Variants in HNRNPM observed in about 807,000 individuals in gnomAD.
The protein encoded by HNRNPM is heterogeneous nuclear ribonucleoprotein M.
In HNRNPM, 11 loss-of-function variants were observed where a neutral mutation model predicts 73.1. The observed-to-expected ratio is 0.15, with a 90% CI of 0.09 to 0.25. The LOEUF is 0.25. Ranked by LOEUF, HNRNPM falls within the 10% of genes least tolerant of loss-of-function variation. The pLI, the probability that HNRNPM is intolerant of heterozygous loss-of-function variation, is 1.00. For missense variants in HNRNPM, 789 were observed against 1,067.9 expected, an observed-to-expected ratio of 0.74 and a Z score of 3.64; for synonymous variants, 407 against 355.2, an observed-to-expected ratio of 1.15 and a Z score of -1.64.
chr19:8,457,313 G>A (rs1054147471), intron 2 of HNRNPM, among the ~76,000 whole-genome samples: 5 of 152,218 alleles, frequency 3.3e-5, no homozygotes, highest in East Asian at 1.9e-4. Context: ...GTTTCTGGAT[G>A]TAGAAGCAGT....
intron 12 of HNRNPM, among the ~76,000 whole-genome samples, chr19:8,479,062 T>G (rs1970709639): frequency 6.8e-6 from 1 of 147,356 alleles, no homozygotes; most frequent in Non-Finnish European, 1.5e-5. Context: ...AATTTCCTCC[T>G]CTTTTTTCTT....
intron 1 of HNRNPM, among the ~76,000 whole-genome samples, chr19:8,450,086 G>A (rs1407980357): frequency 6.6e-6 from 1 of 152,190 alleles, no homozygotes; most frequent in African/African-American, 2.4e-5. Context: ...GTTCAGTGGT[G>A]GCCTTGGAGC....
At chr19:8,478,763 A>C (rs943576666) in intron 12 of HNRNPM, among the ~76,000 whole-genome samples, 1 of 152,180 alleles carries the variant, frequency 6.6e-6, no homozygotes, top group African/African-American at 2.4e-5. Flanking sequence ...TGCTGCGTGT[A>C]CTTGACTTTC....
At chr19:8,463,556 C>A (rs1226453000) in intron 4 of HNRNPM, 37 bp from the exon 5 acceptor site, 5 of 1,612,072 alleles carry the variant, frequency 3.1e-6, no homozygotes, top group Middle Eastern at 1.7e-4. Context: ...ACTTGTAGGA[C>A]TGGTTTCACT....
At chr19:8,446,269 A>T (rs1280617403) in intron 1 of HNRNPM, among the ~76,000 whole-genome samples, 1 of 152,190 alleles carries the variant, frequency 6.6e-6, no homozygotes, top group Non-Finnish European at 1.5e-5. Flanking sequence ...CTTTTTCATC[A>T]TCGGAAACAG....
At chr19:8,461,108 T>G (rs1402404515) in intron 2 of HNRNPM, among the ~76,000 whole-genome samples, 1 of 152,242 alleles carries the variant, frequency 6.6e-6, no homozygotes, top group Non-Finnish European at 1.5e-5. Flanking sequence ...GCACTGATGA[T>G]TCTCCTGTTT....
Position 8,462,681 on chromosome 19 carries a change from C to A in HNRNPM, c.336+100C>A. The A allele has an allele frequency of 1.0e-6, 1 of 981,244 alleles. No individual in the cohort carries two copies. Among genetic ancestry groups the A allele is most frequent in the Non-Finnish European group, 1.7e-6 (1 of 605,114 alleles). The allele number at this position is 981,244 out of a possible 1,614,324, so 60.8% of individuals were successfully genotyped here. A position where few individuals can be genotyped will look rare whatever the true frequency, so the allele number is the denominator to read the frequency against. On this transcript the variant is annotated intron_variant, in intron 3 of 15. Transcript: ENST00000325495. The surrounding 1 kb of genome is among the most constrained non-coding windows in gnomAD (Gnocchi z 4.5). The stretch of plus-strand genomic sequence containing the variant: ...TGAAATCAGGAAGGCAGTGAGTGCT[C>A]ATGTTACAGTAGCTATGTTTGATTT...
intron 1 of HNRNPM, 32 bp from the exon 2 acceptor site, chr19:8,455,373 C>T: frequency 1.3e-6 from 2 of 1,583,944 alleles, no homozygotes; most frequent in Non-Finnish European, 1.7e-6. Context: ...CATATAAACC[C>T]TTTACCTTTT....
chr19:8,462,425 A>G lies in HNRNPM; in HGVS notation c.284-104A>G. On this transcript the variant is annotated intron_variant, in intron 2 of 15. Coordinates refer to ENST00000325495, the MANE Select transcript of HNRNPM (RefSeq NM_005968.5). The surrounding 1 kb of genome is among the most constrained non-coding windows in gnomAD (Gnocchi z 4.5). ...ATGGAGTGTTTCTGGGCTTTCTTAT[A>G]AGGCAGAGGCTCCATACAAGGTTGC... The G allele has an allele frequency of 1.1e-6, 1 of 944,006 alleles. No homozygotes were observed. The highest frequency in any genetic ancestry group is 1.7e-6 in the Non-Finnish European group (1 of 574,494). 58.5% of individuals were successfully genotyped at this position (944,006 alleles called of 1,614,324 possible). A position where few individuals can be genotyped will look rare whatever the true frequency, so the allele number is the denominator to read the frequency against.
intron 12 of HNRNPM, among the ~76,000 whole-genome samples, chr19:8,474,995 G>A (rs546360277): frequency 1.1e-3 from 162 of 152,338 alleles, no homozygotes; most frequent in African/African-American, 3.6e-3. Flanking sequence ...GATTACAGGC[G>A]TGAGCCACCG....
chr19:8,448,795 A>G (rs894821631), intron 1 of HNRNPM, among the ~76,000 whole-genome samples: 1 of 152,004 alleles, frequency 6.6e-6, no homozygotes, highest in African/African-American at 2.4e-5. Context: ...TTCCTGAGTA[A>G]TTTTGTGGGT....
intron 1 of HNRNPM, among the ~76,000 whole-genome samples, chr19:8,450,645 G>A (rs1340014271): frequency 7.2e-5 from 11 of 151,866 alleles, no homozygotes; most frequent in Middle Eastern, 6.9e-3. Context: ...CAAGTGATCC[G>A]CCCACCTTGG....
At chr19:8,468,552 G>C (rs553699819) in intron 8 of HNRNPM, among the ~76,000 whole-genome samples, 2 of 152,258 alleles carry the variant, frequency 1.3e-5, no homozygotes, top group African/African-American at 4.8e-5. Context: ...TGGACTTCTT[G>C]CCCAGGTCCC....
At chr19:8,463,722 A>G (rs772173079) in intron 5 of HNRNPM, 36 bp downstream of exon 5, 19 of 1,363,778 alleles carry the variant, frequency 1.4e-5, no homozygotes, top group Non-Finnish European at 2.0e-5. Flanking sequence ...TACTGTGTGT[A>G]ATTGTTGAGT....
chr19:8,460,150 A>G (rs1164705676), intron 2 of HNRNPM, among the ~76,000 whole-genome samples: 1 of 152,170 alleles, frequency 6.6e-6, no homozygotes. Flanking sequence ...ACTTCACTTC[A>G]TGGAATGTGA....
chr19:8,445,378 C>T (rs1968071336), intron 1 of HNRNPM: 2 of 344,402 alleles, frequency 5.8e-6, no homozygotes, highest in Admixed American at 4.8e-5. Context: ...GGCCTCAGGC[C>T]CAGCTGCTGC....
At position 8,455,625 on chromosome 19, in the gene HNRNPM, T is replaced by A. The variant is rs1295839144; in HGVS notation, c.283+51T>A. On this transcript the variant is annotated intron_variant, in intron 2 of 15. Coordinates refer to ENST00000325495, the MANE Select transcript of HNRNPM (RefSeq NM_005968.5). Reference sequence around the variant, plus strand: ...GTGAGAAGGTTGGTGTGTCATCTTTTCTGTGGCTAATTCCTTGGTTATTTT... The same window carrying A: ...GTGAGAAGGTTGGTGTGTCATCTTTACTGTGGCTAATTCCTTGGTTATTTT... The A allele has an allele frequency of 2.7e-6, 4 of 1,477,876 alleles. No homozygotes were observed. In the Admixed American group the frequency reaches 7.2e-5, roughly 26 times the overall value. The allele number at this position is 1,477,876 out of a possible 1,614,324, so 91.5% of individuals were successfully genotyped here.
At chr19:8,445,872 C>T (rs571385585) in intron 1 of HNRNPM, among the ~76,000 whole-genome samples, 57 of 152,244 alleles carry the variant, frequency 3.7e-4, no homozygotes, top group Non-Finnish European at 6.8e-4. Flanking sequence ...CCCCTTTTTC[C>T]CGTGTTTCGG....
intron 12 of HNRNPM, among the ~76,000 whole-genome samples, chr19:8,475,505 C>A (rs1457263677): frequency 6.6e-6 from 1 of 152,168 alleles, no homozygotes; most frequent in African/African-American, 2.4e-5. Context: ...GGACAGACAT[C>A]ATTGTCAGGC....
Sources: gnomAD v4.1 joint callset for allele counts (sites outside exome capture counted in the v4.1 genomes callset) on GRCh38, gnomAD v4.1.1 for gene constraint, Gnocchi (gnomAD v3.1) non-coding constraint, MANE v1.5 for transcripts, NCBI Gene and HGNC (gene_info 2026-07-23, HGNC 2026-07-21) for gene names.